TSPEAR: variants seen among roughly 807,000 people sequenced by gnomAD.
TSPEAR encodes thrombospondin-type laminin G domain and EAR repeat-containing protein.
In TSPEAR, 69 loss-of-function variants were observed where a neutral mutation model predicts 71.6. That is an observed-to-expected ratio of 0.96 (90% CI 0.79 to 1.18). TSPEAR has a LOEUF of 1.18. Among genes scored for constraint, TSPEAR ranks in the 50% most tolerant of loss-of-function variants. TSPEAR has a pLI of 0.00. For synonymous variants in TSPEAR, 402 were observed against 387.2 expected (o/e 1.04, Z -0.45); for missense variants, 971 against 894.9 (o/e 1.09, Z -1.09).
chr21:44,665,440 T>C lies in TSPEAR; in HGVS notation c.82+45993A>G, dbSNP rs1270114375. Among the ~76,000 whole-genome samples the C allele has an allele frequency of 3.3e-5, 5 of 152,160 alleles. No homozygotes were observed. The East Asian group carries it at 9.6e-4, about 29-fold the overall frequency. ...GGGAATACAGCCCAGACAGGGGAAATGCAGAAGAATGCTACCAGCACAACG... is the reference window on the plus strand; with the variant it reads ...GGGAATACAGCCCAGACAGGGGAAACGCAGAAGAATGCTACCAGCACAACG... On this transcript the variant is annotated intron_variant, in intron 1 of 11. Coordinates refer to ENST00000323084, the MANE Select transcript of TSPEAR (RefSeq NM_144991.3).
In TSPEAR at chr21:44,567,794, A is replaced by G; in HGVS notation, c.294T>C (p.Leu98=). Residue 98 remains leucine, a synonymous_variant, in exon 2 of 12, where the codon CTT becomes CTC. Transcript: ENST00000323084. ...AGAAAGTGCCACTGACCTTGGGTGGAAGATTGGGAACTCTCAAAGTTACGA... is the reference window on the plus strand; with the variant it reads ...AGAAAGTGCCACTGACCTTGGGTGGGAGATTGGGAACTCTCAAAGTTACGA... The part of the protein sequence containing the change: ...SIVVTLRVPN[L]PPKRNEYLLT... 1 of 1,571,102 alleles carries G rather than the reference A, an allele frequency of 6.4e-7. No homozygotes were observed. The highest frequency in any genetic ancestry group is 1.2e-5 in the South Asian group (1 of 85,462).
At chr21:44,613,666 C>T (rs376568188) in intron 1 of TSPEAR, among the ~76,000 whole-genome samples, 1 of 151,688 alleles carries the variant, frequency 6.6e-6, no homozygotes, top group Admixed American at 6.5e-5. Context: ...ACAAGGGACT[C>T]GATGGGAACA....
chr21:44,623,523 C>T lies in TSPEAR; in HGVS notation c.83-55518G>A, dbSNP rs1280051202. On this transcript the variant is annotated intron_variant, in intron 1 of 11. Coordinates refer to ENST00000323084, the MANE Select transcript of TSPEAR (RefSeq NM_144991.3). This position sits in a 1 kb window ranked among gnomAD's most constrained non-coding sequence, Gnocchi z 4.5. The stretch of plus-strand genomic sequence containing the variant: ...CCCATGTTGTCCTCCTTTTGTTACA[C>T]TTCATTTCCTTTTCGACTTCTTGCT... 6.6e-6 allele frequency among the ~76,000 whole-genome samples: 1 copy of T among 152,352 alleles called. No individual in the cohort carries two copies. The highest frequency in any genetic ancestry group is 2.4e-5 in the African/African-American group (1 of 41,594).
chr21:44,654,994 C>T (rs1237997651), intron 1 of TSPEAR, among the ~76,000 whole-genome samples: 1 of 152,148 alleles, frequency 6.6e-6, no homozygotes, highest in African/African-American at 2.4e-5. Context: ...ACACCAGGGG[C>T]CCCGTTTTGA....
Position 44,697,955 on chromosome 21 carries a change from C to A in TSPEAR, c.82+13478G>T, listed in dbSNP as rs376174050. The A allele has an allele frequency of 1.9e-6, 3 of 1,599,984 alleles. No homozygotes were observed. In the African/African-American group the frequency reaches 4.0e-5, roughly 21 times the overall value. On this transcript the variant is annotated intron_variant, in intron 1 of 11. Transcript: ENST00000323084. ...GGCCTGCTGAGGCCTCTGCTCAGGC[C>A]AGAAGTCCAGCTGCTGCCAGGCATG... is the stretch of plus-strand genomic sequence containing the variant.
chr21:44,595,457 C>T (rs1980301186), intron 1 of TSPEAR, among the ~76,000 whole-genome samples: 1 of 152,222 alleles, frequency 6.6e-6, no homozygotes, highest in Non-Finnish European at 1.5e-5. Context: ...TCTGAAGACA[C>T]CTTACTGAAT....
At chr21:44,700,967 GCAGAAACCAA>G (rs1987620247) in intron 1 of TSPEAR, among the ~76,000 whole-genome samples, 2 of 152,176 alleles carry the variant, frequency 1.3e-5, no homozygotes, top group African/African-American at 4.8e-5. Flanking sequence ...GTGGACAGAG[GCAGAAACCAA>G]CAGAACCCTG....
chr21:44,672,820 G>A (rs1157591745), intron 1 of TSPEAR, among the ~76,000 whole-genome samples: 1 of 152,068 alleles, frequency 6.6e-6, no homozygotes, highest in South Asian at 2.1e-4. Context: ...CACGAGATCT[G>A]GTTGTTTAAA....
intron 1 of TSPEAR, chr21:44,627,455 G>A (rs781824928): frequency 6.2e-7 from 1 of 1,608,300 alleles, no homozygotes; most frequent in Non-Finnish European, 8.5e-7. Context: ...TCCTCCCCCT[G>A]CCAGCAGGCC....
chr21:44,586,010 T>C (rs1490802643), intron 1 of TSPEAR, among the ~76,000 whole-genome samples: 1 of 152,206 alleles, frequency 6.6e-6, no homozygotes, highest in Non-Finnish European at 1.5e-5. Context: ...GTACAGGGGC[T>C]TTGGTTCATT....
intron 2 of TSPEAR, among the ~76,000 whole-genome samples, chr21:44,544,447 GAATCCAAGA>G (rs2053269220): frequency 1.3e-5 from 2 of 152,244 alleles, no homozygotes; most frequent in South Asian, 4.1e-4. Context: ...TCAAGACACA[GAATCCAAGA>G]AAAGGAAAAG....
chr21:44,585,991 G>A (rs1169757602), intron 1 of TSPEAR, among the ~76,000 whole-genome samples: 13 of 152,212 alleles, frequency 8.5e-5, no homozygotes, highest in Admixed American at 8.5e-4. Flanking sequence ...CTTGTCTGCC[G>A]CTGGCTGAGT....
At chr21:44,690,514 T>TAA (rs1987081936) in intron 1 of TSPEAR, 1 of 979,446 alleles carries the variant, frequency 1.0e-6, no homozygotes, top group African/African-American at 1.8e-5. Context: ...ATCAGACATC[T>TAA]CATCAGCAGC....
intron 8 of TSPEAR, among the ~76,000 whole-genome samples, chr21:44,523,348 G>A (rs111067112): frequency 0.028 from 4,245 of 151,776 alleles, 212 homozygotes; most frequent in African/African-American, 0.097. Flanking sequence ...TGAAGTGGTC[G>A]GTCAGTTGTG....
chr21:44,558,060 G>C (rs1303161923), intron 2 of TSPEAR: 3 of 1,605,798 alleles, frequency 1.9e-6, no homozygotes, highest in Admixed American at 1.7e-5. Flanking sequence ...TCAGCAGCTG[G>C]ACTTCTGGCC....
intron 1 of TSPEAR, among the ~76,000 whole-genome samples, chr21:44,626,056 A>T (rs1601500232): frequency 6.6e-6 from 1 of 152,214 alleles, no homozygotes; most frequent in Non-Finnish European, 1.5e-5. Context: ...TTATTTTTAG[A>T]ATGAGAGGCC....
At chr21:44,631,873 A>G (rs143982738) in intron 1 of TSPEAR, among the ~76,000 whole-genome samples, 259 of 152,350 alleles carry the variant, frequency 1.7e-3, no homozygotes, top group African/African-American at 5.9e-3. Context: ...TTGAAGAAAA[A>G]TGATAGAGAC....
chr21:44,681,360 G>A (rs1601559892), intron 1 of TSPEAR, among the ~76,000 whole-genome samples: 1 of 152,198 alleles, frequency 6.6e-6, no homozygotes, highest in Non-Finnish European at 1.5e-5. Context: ...CACCACAGGC[G>A]GGTAAGTCAC....
At position 44,528,188 on chromosome 21, in the gene TSPEAR, A is replaced by G. The variant is rs2838579; in HGVS notation, c.922+264T>C. 0.23 allele frequency among the ~76,000 whole-genome samples: 34,302 copies of G among 152,022 alleles called. 4,464 individuals are homozygous for G. The highest frequency in any genetic ancestry group is 0.34 in the African/African-American group (13,956 of 41,430). On this transcript the variant is annotated intron_variant, in intron 6 of 11. Coordinates refer to ENST00000323084, the MANE Select transcript of TSPEAR (RefSeq NM_144991.3). ...ACAGGCTCGAGGCTCCTGGTGGGGC[A>G]GTTTCCTGTCCTAAGTGGTGCCTGC... is the stretch of plus-strand genomic sequence containing the variant.
Sources: gnomAD v4.1 joint callset for allele counts (sites outside exome capture counted in the v4.1 genomes callset) on GRCh38, gnomAD v4.1.1 for gene constraint, Gnocchi (gnomAD v3.1) non-coding constraint, MANE v1.5 for transcripts, NCBI Gene and HGNC (gene_info 2026-07-23, HGNC 2026-07-21) for gene names.